The following SPATA22 variants were observed in gnomAD, a reference collection of about 807,000 sequenced individuals.
SPATA22 encodes spermatogenesis associated 22, also known as spermatogenesis-associated protein 22.
Under a neutral mutation model 47.8 loss-of-function variants are expected in SPATA22, and 29 were observed. The ratio of observed to expected loss-of-function variants is 0.61; its 90% CI spans 0.45 to 0.83. SPATA22 has a LOEUF of 0.83. Ranked by LOEUF, SPATA22 falls within the 40% of genes least tolerant of loss-of-function variation. The pLI is 0.00. For missense variants in SPATA22, 410 were observed against 421.7 expected, an observed-to-expected ratio of 0.97 and a Z score of 0.24; for synonymous variants, 133 against 140.9, an observed-to-expected ratio of 0.94 and a Z score of 0.40.
chr17:3,465,412 C>G (rs1378291555), intron 3 of SPATA22, among the ~76,000 whole-genome samples: 1 of 151,876 alleles, frequency 6.6e-6, no homozygotes, highest in African/African-American at 2.4e-5. Flanking sequence ...ACATGGGAGA[C>G]TTTTCATTTT....
chr17:3,464,668 C>T (rs2073233826), intron 3 of SPATA22, among the ~76,000 whole-genome samples: 1 of 149,864 alleles, frequency 6.7e-6, no homozygotes, highest in African/African-American at 2.4e-5. Context: ...TCTGCCCGGC[C>T]GCGACCCCGT....
At chr17:3,497,389 G>A (rs547198635) in intron 1 of SPATA22, among the ~76,000 whole-genome samples, 1 of 152,340 alleles carries the variant, frequency 6.6e-6, no homozygotes, top group South Asian at 2.1e-4. Flanking sequence ...TGGGTAGCAT[G>A]AGGGATTCGA....
At chr17:3,460,804 A>AC (rs1433134206) in intron 5 of SPATA22, among the ~76,000 whole-genome samples, 5 of 150,220 alleles carry the variant, frequency 3.3e-5, no homozygotes, top group African/African-American at 9.8e-5. Flanking sequence ...AAAAAAAAAA[A>AC]AAAAAAAAAA....
chr17:3,483,744 C>T lies in SPATA22; in HGVS notation c.-73-14346G>A, dbSNP rs2073674495. 12 of 724,856 alleles carry T rather than the reference C, an allele frequency of 1.7e-5. No homozygotes were observed. The Admixed American group carries it at 2.4e-4, about 14-fold the overall frequency. The allele number at this position is 724,856 out of a possible 1,614,324, so 44.9% of individuals were successfully genotyped here. On this transcript the variant is annotated intron_variant, in intron 1 of 8. Coordinates refer to the SPATA22 transcript ENST00000541913. The stretch of plus-strand genomic sequence containing the variant: ...ATGGTGTGATCTCAGCTCACTGCAA[C>T]CTCTACCTCTCTGGTTCAAGTGATT...
At chr17:3,444,847 C>T (rs969721533) in intron 7 of SPATA22, among the ~76,000 whole-genome samples, 2 of 151,902 alleles carry the variant, frequency 1.3e-5, no homozygotes, top group African/African-American at 4.8e-5. Flanking sequence ...GAAGTATCTA[C>T]CTTTGATAAG....
intron 1 of SPATA22, among the ~76,000 whole-genome samples, chr17:3,508,443 A>G (rs1391709174): frequency 1.3e-5 from 2 of 151,590 alleles, no homozygotes; most frequent in African/African-American, 4.9e-5. Flanking sequence ...ATAAAGACAC[A>G]TGCACACGTA....
chr17:3,476,371 G>A (rs104894553), upstream of SPATA22: 181 of 1,613,924 alleles, frequency 1.1e-4, no homozygotes, highest in Admixed American at 6.7e-5. Context: ...GACCTGAATC[G>A]CATTTTTGAC....
At chr17:3,504,079 C>T (rs1417173279) in intron 1 of SPATA22, among the ~76,000 whole-genome samples, 1 of 152,114 alleles carries the variant, frequency 6.6e-6, no homozygotes, top group Non-Finnish European at 1.5e-5. Context: ...GACTCCCCTA[C>T]CCAGAACTCT....
At position 3,490,205 on chromosome 17, in the gene SPATA22, A is replaced by C. The variant is rs1441006861; in HGVS notation, c.-73-20807T>G. ...GCAAAACCCAGGCTAATTTTGTCTT[A>C]ATTATATTCAATAAGAATAATGTAT... is the stretch of plus-strand genomic sequence containing the variant. On this transcript the variant is annotated intron_variant, in intron 1 of 8. Coordinates refer to the SPATA22 transcript ENST00000541913. The surrounding 1 kb of genome is among the most constrained non-coding windows in gnomAD (Gnocchi z 4.6). Among the ~76,000 whole-genome samples, 1 of 152,192 alleles carries C rather than the reference A, an allele frequency of 6.6e-6. No homozygotes were observed. Among genetic ancestry groups the C allele is most frequent in the Non-Finnish European group, 1.5e-5 (1 of 68,026 alleles).
chr17:3,451,926 G>A (rs372148736), intron 5 of SPATA22, among the ~76,000 whole-genome samples: 5 of 148,964 alleles, frequency 3.4e-5, no homozygotes, highest in Admixed American at 2.0e-4. Flanking sequence ...CAGCCTGGGC[G>A]ACAGAGCGAG....
chr17:3,497,817 A>C (rs2150762963), intron 1 of SPATA22, among the ~76,000 whole-genome samples: 1 of 152,328 alleles, frequency 6.6e-6, no homozygotes, highest in East Asian at 1.9e-4. Context: ...GCTGCTGGGA[A>C]ATGTTAGACA....
Position 3,489,302 on chromosome 17 carries a change from G to A in SPATA22, c.-73-19904C>T, listed in dbSNP as rs1380767447. The stretch of plus-strand genomic sequence containing the variant: ...ATATCTTGGATCAAATGAGAAAAAT[G>A]ATTAAACATGCTCTTGATTTTATAC... On this transcript the variant is annotated intron_variant, in intron 1 of 8. Coordinates refer to the SPATA22 transcript ENST00000541913. 2.5e-6 allele frequency: 4 copies of A among 1,613,152 alleles called. No individual in the cohort carries two copies. The highest frequency in any genetic ancestry group is 3.4e-6 in the Non-Finnish European group (4 of 1,179,688).
chr17:3,471,189 G>GGGAA (rs927304107), intron 1 of SPATA22, among the ~76,000 whole-genome samples: 1 of 151,870 alleles, frequency 6.6e-6, no homozygotes, highest in Non-Finnish European at 1.5e-5. Context: ...AGGGAGGGAA[G>GGGAA]GGAAGGAAGG....
upstream of SPATA22, chr17:3,476,502 C>T (rs921192001): frequency 3.9e-6 from 4 of 1,035,514 alleles, no homozygotes; most frequent in African/African-American, 6.3e-5. Context: ...CATGTCCGTA[C>T]ATGCAGTCGT....
intron 3 of SPATA22, among the ~76,000 whole-genome samples, chr17:3,465,128 G>C (rs1420730411): frequency 8.0e-6 from 1 of 124,342 alleles, no homozygotes; most frequent in Non-Finnish European, 1.8e-5. Context: ...GTCTCCGCCC[G>C]GCAGCCACCC....
At chr17:3,451,214 G>A (rs941190029) in intron 5 of SPATA22, among the ~76,000 whole-genome samples, 1 of 152,104 alleles carries the variant, frequency 6.6e-6, no homozygotes. Flanking sequence ...TAAAGACAAA[G>A]AAAGTCATTA....
intron 1 of SPATA22, among the ~76,000 whole-genome samples, chr17:3,491,875 TTC>T (rs1190997199): frequency 9.3e-4 from 90 of 96,584 alleles, no homozygotes; most frequent in African/African-American, 3.1e-3. Context: ...TTCTTTTGTT[TTC>T]TTTTTTTTTT....
chr17:3,493,060 A>G (rs1300670898), intron 1 of SPATA22, among the ~76,000 whole-genome samples: 1 of 152,210 alleles, frequency 6.6e-6, no homozygotes, highest in African/African-American at 2.4e-5. Flanking sequence ...AGTTGTGACC[A>G]TAACACGCTG....
At chr17:3,457,210 A>G in intron 5 of SPATA22, among the ~76,000 whole-genome samples, 1 of 151,876 alleles carries the variant, frequency 6.6e-6, no homozygotes, top group Non-Finnish European at 1.5e-5. Flanking sequence ...GCAATTAGGC[A>G]GGAGAAGGAA....
Sources: gnomAD v4.1 joint callset for allele counts (sites outside exome capture counted in the v4.1 genomes callset) on GRCh38, gnomAD v4.1.1 for gene constraint, Gnocchi (gnomAD v3.1) non-coding constraint, MANE v1.5 for transcripts, NCBI Gene and HGNC (gene_info 2026-07-23, HGNC 2026-07-21) for gene names.